The following NUP210 variants were observed in gnomAD, a reference collection of about 807,000 sequenced individuals.
NUP210 encodes the protein nuclear pore membrane glycoprotein 210.
NUP210 carries 151 observed loss-of-function variants against 196.0 expected under a neutral mutation model. The observed-to-expected ratio is 0.77, with a 90% CI of 0.67 to 0.88. The LOEUF (loss-of-function observed/expected upper bound fraction) is 0.88, where lower values mean the gene tolerates loss of function less well. NUP210 is among the 40% of genes least tolerant of loss of function. NUP210 has a pLI of 0.00. For missense variants in NUP210, 2,314 were observed against 2,493.7 expected (o/e 0.93, Z 1.53); for synonymous variants, 1,070 against 1,052.7 (o/e 1.02, Z -0.32).
At chr3:13,349,962 G>T (rs1384607257) in intron 20 of NUP210, among the ~76,000 whole-genome samples, 1 of 152,188 alleles carries the variant, frequency 6.6e-6, no homozygotes, top group Non-Finnish European at 1.5e-5. Flanking sequence ...TCCTGAATAG[G>T]ATTGGACTGA....
In NUP210 at chr3:13,330,386, T is replaced by C. The variant is rs566654581; in HGVS notation, c.4110+74A>G. 4.3e-6 allele frequency: 6 copies of C among 1,411,558 alleles called. No individual in the cohort carries two copies. The African/African-American group carries it at 8.5e-5, about 20-fold the overall frequency. 87.4% of individuals were successfully genotyped at this position (1,411,558 alleles called of 1,614,324 possible). On this transcript the variant is annotated intron_variant, in intron 30 of 39. Transcript: ENST00000254508. ...TAGCTGGAAGGTGAACGTATTCACT[T>C]TTACACCTGAGAGGCATATTACCTC...
At position 13,379,768 on chromosome 3, in the gene NUP210, C is replaced by T. The variant is rs1213007979; in HGVS notation, c.818-47G>A. On this transcript the variant is annotated intron_variant, in intron 6 of 39. Coordinates refer to ENST00000254508, the MANE Select transcript of NUP210 (RefSeq NM_024923.4). The surrounding 1 kb of genome is among the most constrained non-coding windows in gnomAD (Gnocchi z 4.2). ...ATAACAGGGAAAGAGAGAGCAAAGACAGGAAATGTTAGAAGCCAATACACT... is the reference window on the plus strand; with the variant it reads ...ATAACAGGGAAAGAGAGAGCAAAGATAGGAAATGTTAGAAGCCAATACACT... 1 of 1,511,788 alleles carries T rather than the reference C, an allele frequency of 6.6e-7. No homozygotes were observed. 93.6% of individuals were successfully genotyped at this position (1,511,788 alleles called of 1,614,324 possible).
intron 1 of NUP210, among the ~76,000 whole-genome samples, chr3:13,401,697 G>A: frequency 6.6e-6 from 1 of 152,140 alleles, no homozygotes; most frequent in East Asian, 1.9e-4. Flanking sequence ...GTGCCCTACG[G>A]TGTTTTTCGA....
chr3:13,327,458 A>G, intron 31 of NUP210, 21 bp from the exon 32 acceptor site: 1 of 1,558,852 alleles, frequency 6.4e-7, no homozygotes, highest in African/African-American at 1.4e-5. Flanking sequence ...GAGAGAAAGG[A>G]GGGCTCTCAG....
Position 13,387,428 on chromosome 3 carries a change from AC to A in NUP210, c.684+874del, listed in dbSNP as rs1350623258. 3.3e-5 allele frequency among the ~76,000 whole-genome samples: 5 copies of A among 152,318 alleles called. No homozygotes were observed. In the East Asian group the frequency reaches 7.7e-4, roughly 24 times the overall value. On this transcript the variant is annotated intron_variant, in intron 5 of 39. Transcript: ENST00000254508. Reference sequence around the variant, plus strand: ...TGTACCCCATCCCAGCCTGGGCCCTACACAGGAGCAAACTGTCTCTAAGTAC... The same window carrying A: ...TGTACCCCATCCCAGCCTGGGCCCTAACAGGAGCAAACTGTCTCTAAGTAC...
chr3:13,354,472 C>T, intron 16 of NUP210: 1 of 200,806 alleles, frequency 5.0e-6, no homozygotes, highest in Non-Finnish European at 1.0e-5. Context: ...GACAGCCCCC[C>T]ACAGGAACTA....
intron 1 of NUP210, among the ~76,000 whole-genome samples, chr3:13,415,180 A>G (rs1278059661): frequency 2.0e-5 from 3 of 152,248 alleles, no homozygotes; most frequent in Non-Finnish European, 4.4e-5. Flanking sequence ...GTGTGCCGAG[A>G]TCGTGCCACT....
intron 1 of NUP210, among the ~76,000 whole-genome samples, chr3:13,407,414 C>G (rs958390739): frequency 6.6e-6 from 1 of 152,100 alleles, no homozygotes; most frequent in Non-Finnish European, 1.5e-5. Context: ...GGTCAGGGCC[C>G]TCCTCACAGG....
chr3:13,335,385 C>T (rs981462281), intron 28 of NUP210, 69 bp downstream of exon 28: 18 of 1,553,306 alleles, frequency 1.2e-5, no homozygotes, highest in Non-Finnish European at 1.3e-5. Flanking sequence ...AACATGTGGC[C>T]CCGAAGGAAG....
In NUP210 at chr3:13,405,953, C is replaced by T. The variant is rs1263107516; in HGVS notation, c.168-6092G>A. On this transcript the variant is annotated intron_variant, in intron 1 of 39. Transcript: ENST00000254508. Reference sequence around the variant, plus strand: ...GACTCATTATGCATTTTAACTATTACATATTCATTTAAGTGTTTTAGGAAA... The same window carrying T: ...GACTCATTATGCATTTTAACTATTATATATTCATTTAAGTGTTTTAGGAAA... 2.0e-5 allele frequency among the ~76,000 whole-genome samples: 3 copies of T among 152,166 alleles called. No individual in the cohort carries two copies. The East Asian group carries it at 5.8e-4, about 29-fold the overall frequency.
At chr3:13,413,658 T>C (rs923288065) in intron 1 of NUP210, among the ~76,000 whole-genome samples, 1 of 152,022 alleles carries the variant, frequency 6.6e-6, no homozygotes, top group African/African-American at 2.4e-5. Context: ...AAGAGTACAA[T>C]GAAAAGATGG....
At chr3:13,327,506 C>T (rs572312230) in intron 31 of NUP210, 69 bp from the exon 32 acceptor site, 324 of 1,158,616 alleles carry the variant, frequency 2.8e-4, no homozygotes, top group Non-Finnish European at 3.7e-4. Context: ...AAGGGAGAAA[C>T]GTAATCCATG....
chr3:13,322,276 C>A lies in NUP210; in HGVS notation c.4832G>T (p.Cys1611Phe), dbSNP rs780716530. Reference sequence around the variant, plus strand: ...GACGGCCGGCTTGAACTGGGACTGGCAGCTGATGAGGGTCTCTGGGTGCAA... The same window carrying A: ...GACGGCCGGCTTGAACTGGGACTGGAAGCTGATGAGGGTCTCTGGGTGCAA... ...QALHPETLIS[C>F]QSQFKPAVFD... Residue 1611 changes from cysteine (C) to phenylalanine (F), a missense_variant, in exon 35 of 40, where the codon TGC (cysteine) becomes TTC (phenylalanine). Physicochemically the swap from Cys to Phe is radical, Grantham distance 205. Coordinates refer to ENST00000254508, the MANE Select transcript of NUP210 (RefSeq NM_024923.4). 5.0e-6 allele frequency: 8 copies of A among 1,614,220 alleles called. No homozygotes were observed. Among genetic ancestry groups the A allele is most frequent in the Non-Finnish European group, 6.8e-6 (8 of 1,180,040 alleles).
chr3:13,398,120 G>A (rs757186857), intron 2 of NUP210, among the ~76,000 whole-genome samples: 5 of 152,144 alleles, frequency 3.3e-5, no homozygotes, highest in African/African-American at 4.8e-5. Flanking sequence ...ACAGCAATAC[G>A]GTCCCATGTA....
In NUP210 at chr3:13,322,337, C is replaced by T. The variant is rs374396330; in HGVS notation, c.4771G>A (p.Glu1591Lys). 17 of 1,614,088 alleles carry T rather than the reference C, an allele frequency of 1.1e-5. No individual in the cohort carries two copies. The highest frequency in any genetic ancestry group is 3.3e-5 in the Admixed American group (2 of 60,010). Residue 1591 changes from glutamate to lysine, a missense_variant and splice_region_variant, in exon 35 of 40, where the codon GAG (glutamate) becomes AAG (lysine). Glu to Lys is a moderately conservative substitution (Grantham distance 56). Transcript: ENST00000254508. ...ACTTCCCTCTGGGTGGGGGTGCACT[C>T]GCCTAGAGAGGGGAGAGACGAGAGG... Reference protein sequence around the residue: ...VGDRSSNLRGECTPTQREVIQ... With the variant: ...VGDRSSNLRGKCTPTQREVIQ...
chr3:13,324,756 C>G lies in NUP210; in HGVS notation c.4644+1039G>C, dbSNP rs116031979. ...TAACCTCTGCAAACACAGCCTTGGTCTATAGCACTGTTTAAAAAACTCCAC... is the reference window on the plus strand; with the variant it reads ...TAACCTCTGCAAACACAGCCTTGGTGTATAGCACTGTTTAAAAAACTCCAC... On this transcript the variant is annotated intron_variant, in intron 33 of 39. Transcript: ENST00000254508. Among the ~76,000 whole-genome samples, 288 of 152,314 alleles carry G rather than the reference C, an allele frequency of 1.9e-3. 3 individuals carry two copies. The highest frequency in any genetic ancestry group is 6.0e-3 in the South Asian group (29 of 4,828).
intron 33 of NUP210, among the ~76,000 whole-genome samples, 166 bp downstream of exon 33, chr3:13,325,629 C>A (rs908556185): frequency 1.3e-5 from 2 of 152,172 alleles, no homozygotes; most frequent in African/African-American, 4.8e-5. Context: ...GGGAGCTTGT[C>A]CCCATGTCAG....
intron 13 of NUP210, among the ~76,000 whole-genome samples, chr3:13,366,781 T>C (rs2124902505): frequency 6.6e-6 from 1 of 151,304 alleles, no homozygotes; most frequent in South Asian, 2.1e-4. Flanking sequence ...CCTCCCAAAG[T>C]GCTGGAATTA....
chr3:13,321,406 G>A lies in NUP210; in HGVS notation c.5166+179C>T, dbSNP rs968927031. 2.0e-5 allele frequency among the ~76,000 whole-genome samples: 3 copies of A among 152,368 alleles called. No homozygotes were observed. The South Asian group carries it at 6.2e-4, about 32-fold the overall frequency. On this transcript the variant is annotated intron_variant, in intron 36 of 39. Coordinates refer to ENST00000254508, the MANE Select transcript of NUP210 (RefSeq NM_024923.4). ...AACAATTAATACAATCACGCAGCCT[G>A]AGAGACAGCAACAGTGCTATGGAAA...
Sources: gnomAD v4.1 joint callset for allele counts (sites outside exome capture counted in the v4.1 genomes callset) on GRCh38, gnomAD v4.1.1 for gene constraint, Gnocchi (gnomAD v3.1) non-coding constraint, MANE v1.5 for transcripts, NCBI Gene and HGNC (gene_info 2026-07-23, HGNC 2026-07-21) for gene names.